EIF4G2: variants seen among roughly 807,000 people sequenced by gnomAD.
EIF4G2 encodes the protein eukaryotic translation initiation factor 4 gamma 2.
EIF4G2 carries 8 observed loss-of-function variants against 117.7 expected under a neutral mutation model. The ratio of observed to expected loss-of-function variants is 0.07; its 90% confidence interval spans 0.04 to 0.12. The LOEUF is 0.12. Ranked by LOEUF, EIF4G2 falls within the 10% of genes least tolerant of loss-of-function variation. The pLI is 1.00. For synonymous variants in EIF4G2, 413 were observed against 367.8 expected (o/e 1.12, Z -1.41); for missense variants, 812 against 1,086.2 (o/e 0.75, Z 3.55).
At chr11:10,808,615 G>A in intron 1 of EIF4G2, 90 bp downstream of exon 1, 1 of 641,112 alleles carries the variant, frequency 1.6e-6, no homozygotes, top group South Asian at 2.4e-5. Context: ...TCCGCCTGCG[G>A]CCGCCATTTT....
In EIF4G2 at chr11:10,807,064, G is replaced by A. The variant is rs534135660; in HGVS notation, c.42-179C>T. On this transcript the variant is annotated intron_variant, in intron 2 of 21. Transcript: ENST00000339995. ...TATGCTACAAATGAAGACTGAACTC[G>A]GACCCAAAGGAAAGGCAAATAATTG... 34 of 1,128,190 alleles carry A rather than the reference G, an allele frequency of 3.0e-5. 1 individual carries two copies. In the South Asian group the frequency reaches 4.6e-4, roughly 15 times the overall value. 69.9% of individuals were successfully genotyped at this position (1,128,190 alleles called of 1,614,324 possible).
Position 10,807,386 on chromosome 11 carries a change from A to G in EIF4G2, c.-86-5T>C. On this transcript the variant is annotated splice_polypyrimidine_tract_variant and splice_region_variant and intron_variant, in intron 1 of 21. Coordinates refer to ENST00000339995, the MANE Select transcript of EIF4G2 (RefSeq NM_001418.4). Reference sequence around the variant, plus strand: ...GGGACAGGAGAAATGAAATACCTGGAACGAGAAAGAGCACCAAAATTAGAC... The same window carrying G: ...GGGACAGGAGAAATGAAATACCTGGGACGAGAAAGAGCACCAAAATTAGAC... 1 of 1,593,558 alleles carries G rather than the reference A, an allele frequency of 6.3e-7. No homozygotes were observed. The highest frequency in any genetic ancestry group is 1.1e-5 in the South Asian group (1 of 88,536).
In EIF4G2 at chr11:10,799,590, A is replaced by C. The variant is rs768610931; in HGVS notation, c.2286T>G (p.Leu762=). The C allele has an allele frequency of 3.1e-6, 5 of 1,613,962 alleles. No homozygotes were observed. In the African/African-American group the frequency reaches 5.3e-5, roughly 17 times the overall value. ...TGTTCACAAATCCTTTATCTACATG[A>C]AGTTTGGGAGAGATGTTATCTTTAA... Residue 762 remains leucine, a synonymous_variant, in exon 19 of 22, where the codon CTT becomes CTG. Transcript: ENST00000339995.
chr11:10,803,650 T>A lies in EIF4G2; in HGVS notation c.703-60A>T. 2.8e-6 allele frequency: 4 copies of A among 1,424,298 alleles called. No individual in the cohort carries two copies. Among genetic ancestry groups the A allele is most frequent in the Non-Finnish European group, 3.9e-6 (4 of 1,017,042 alleles). The allele number at this position is 1,424,298 out of a possible 1,614,324, so 88.2% of individuals were successfully genotyped here. ...AGTTACTCTGGTTTAGGCGTAGTAC[T>A]TTCTTTCCCTTTATGTTTGCACTGA... On this transcript the variant is annotated intron_variant, in intron 8 of 21. Transcript: ENST00000339995. This position sits in a 1 kb window ranked among gnomAD's most constrained non-coding sequence, Gnocchi z 4.0.
chr11:10,807,578 A>T (rs1847616972), intron 1 of EIF4G2, 197 bp from the exon 2 acceptor site: 1 of 1,235,888 alleles, frequency 8.1e-7, no homozygotes, highest in Non-Finnish European at 1.0e-6. Context: ...CAAGGATGCA[A>T]AGAGACTTCG....
In EIF4G2 at chr11:10,804,435, T is replaced by C. The variant is rs1266059121; in HGVS notation, c.352-17A>G. 2.6e-6 allele frequency: 4 copies of C among 1,558,034 alleles called. No homozygotes were observed. Among genetic ancestry groups the C allele is most frequent in the Non-Finnish European group, 3.5e-6 (4 of 1,154,132 alleles). On this transcript the variant is annotated splice_polypyrimidine_tract_variant and intron_variant, in intron 5 of 21. Transcript: ENST00000339995. Reference sequence around the variant, plus strand: ...GTCCACAATCTACAGAAAATGTCATTGCTTAAACTAAATATGAAAACTTCT... The same window carrying C: ...GTCCACAATCTACAGAAAATGTCATCGCTTAAACTAAATATGAAAACTTCT...
Position 10,806,816 on chromosome 11 carries a change from A to T in EIF4G2, c.107+4T>A. On this transcript the variant is annotated splice_donor_region_variant and intron_variant, in intron 3 of 21. Coordinates refer to ENST00000339995, the MANE Select transcript of EIF4G2 (RefSeq NM_001418.4). ...CTCACTGTTTTTTTACATGTTTACC[A>T]CACCTGTTGCCAGCAGTCTTGGGAT... 1.2e-6 allele frequency: 2 copies of T among 1,614,090 alleles called. No homozygotes were observed. The highest frequency in any genetic ancestry group is 1.7e-6 in the Non-Finnish European group (2 of 1,179,966).
chr11:10,808,762 G>C lies in EIF4G2; in HGVS notation c.-144C>G, dbSNP rs1370311617. 1 of 165,740 alleles carries C rather than the reference G, an allele frequency of 6.0e-6. No individual in the cohort carries two copies. Among genetic ancestry groups the C allele is most frequent in the Non-Finnish European group, 1.3e-5 (1 of 74,842 alleles). The allele number at this position is 165,740 out of a possible 1,614,324, so 10.3% of individuals were successfully genotyped here. A position where few individuals can be genotyped will look rare whatever the true frequency, so the allele number is the denominator to read the frequency against. On this transcript the variant is annotated 5_prime_UTR_variant, in exon 1 of 22. Transcript: ENST00000339995. ...CTGCCTCCTCAGGATCCGGTCGTCG[G>C]GGATAGGGAAGGGAGGGGAAAGGGG...
Position 10,803,807 on chromosome 11 carries a change from A to G in EIF4G2, c.702+92T>C. ...TTAGTAAATTTTGTTGCACATCTGT[A>G]TTTAACTAGTCAACCTCCCTCTTAG... On this transcript the variant is annotated intron_variant, in intron 8 of 21. Transcript: ENST00000339995. The surrounding 1 kb of genome is among the most constrained non-coding windows in gnomAD (Gnocchi z 4.0). The G allele has an allele frequency of 6.8e-7, 1 of 1,463,836 alleles. No homozygotes were observed. The highest frequency in any genetic ancestry group is 2.1e-5 in the Admixed American group (1 of 48,726). The allele number at this position is 1,463,836 out of a possible 1,614,324, so 90.7% of individuals were successfully genotyped here.
intron 11 of EIF4G2, 67 bp downstream of exon 11, chr11:10,802,963 G>A: frequency 7.6e-6 from 11 of 1,438,292 alleles, no homozygotes; most frequent in Non-Finnish European, 9.6e-6. Context: ...GGGTGGGTGA[G>A]GAGGAAACCC....
rs369380489 is a variant in EIF4G2, at chr11:10,808,908, G to A, written c.-290C>T. 1 of 155,346 alleles carries A rather than the reference G, an allele frequency of 6.4e-6. No individual in the cohort carries two copies. Among genetic ancestry groups the A allele is most frequent in the Non-Finnish European group, 1.4e-5 (1 of 69,174 alleles). 9.6% of individuals were successfully genotyped at this position (155,346 alleles called of 1,614,324 possible). On this transcript the variant is annotated 5_prime_UTR_variant, in exon 1 of 22. Coordinates refer to ENST00000339995, the MANE Select transcript of EIF4G2 (RefSeq NM_001418.4). ...CGGTACCCGCTGCCACCTCCATAGA[G>A]CTCCGACTCACTGCTGGCGCTAAGG...
chr11:10,800,070 A>G lies in EIF4G2; in HGVS notation c.2119+20T>C. On this transcript the variant is annotated intron_variant, in intron 18 of 21. Transcript: ENST00000339995. Reference sequence around the variant, plus strand: ...ATATAATATTAAAAAAACAAAACAAACAAGTCAGCATTCTCTTACCTGGGA... The same window carrying G: ...ATATAATATTAAAAAAACAAAACAAGCAAGTCAGCATTCTCTTACCTGGGA... The G allele has an allele frequency of 6.2e-7, 1 of 1,604,922 alleles. No homozygotes were observed. The highest frequency in any genetic ancestry group is 1.1e-5 in the South Asian group (1 of 90,374).
At chr11:10,808,241 G>C (rs1322983567) in intron 1 of EIF4G2, 1 of 1,149,068 alleles carries the variant, frequency 8.7e-7, no homozygotes, top group Non-Finnish European at 1.1e-6. Flanking sequence ...CCTCCCCGAC[G>C]AAGGGCAGCC....
rs937156198 is a variant in EIF4G2, at chr11:10,800,491, T to C, written c.1801A>G (p.Ser601Gly). The C allele has an allele frequency of 8.1e-6, 13 of 1,614,104 alleles. No homozygotes were observed. The highest frequency in any genetic ancestry group is 1.1e-5 in the Non-Finnish European group (13 of 1,180,046). The change falls in exon 17 of 22, where the codon AGT becomes GGT. Residue 601 changes from serine to glycine, a missense_variant. By Grantham distance (56) the Ser-to-Gly change is moderately conservative (BLOSUM62 0). Around this residue, in one of 4 missense-constraint regions of EIF4G2, gnomAD observed 571 missense variants for 642.3 expected, o/e 0.89. Transcript: ENST00000339995. ...TGTTTGAGTAAACTGATCAAAGAAC[T>C]TGCTTTTTCTTTATCTTCATCGCTT... is the stretch of plus-strand genomic sequence containing the variant.
intron 1 of EIF4G2, chr11:10,808,162 G>C: frequency 1.8e-6 from 2 of 1,109,160 alleles, no homozygotes; most frequent in Non-Finnish European, 2.2e-6. Context: ...AAATCCCCCC[G>C]GGACTGACAA....
chr11:10,802,509 A>AG lies in EIF4G2; in HGVS notation c.997-75dup, dbSNP rs569960424. ...ACTTAAAACTAAAATTCTTGCAACT[A>AG]GGGGGGGAAACCTAGAATATTAAAC... On this transcript the variant is annotated intron_variant, in intron 11 of 21. Coordinates refer to ENST00000339995, the MANE Select transcript of EIF4G2 (RefSeq NM_001418.4). 98 of 1,456,906 alleles carry AG rather than the reference A, an allele frequency of 6.7e-5. No homozygotes were observed. The African/African-American group carries it at 7.8e-4, about 12-fold the overall frequency. 90.2% of individuals were successfully genotyped at this position (1,456,906 alleles called of 1,614,324 possible). A position where few individuals can be genotyped will look rare whatever the true frequency, so the allele number is the denominator to read the frequency against.
At chr11:10,807,792 C>T (rs1847627415) in intron 1 of EIF4G2, 2 of 990,752 alleles carry the variant, frequency 2.0e-6, no homozygotes, top group African/African-American at 1.7e-5. Flanking sequence ...AGCTCTTCAG[C>T]AGTTTTCCCC....
intron 11 of EIF4G2, among the ~76,000 whole-genome samples, 166 bp downstream of exon 11, chr11:10,802,864 C>G (rs1847467586): frequency 6.6e-6 from 1 of 152,090 alleles, no homozygotes; most frequent in African/African-American, 2.4e-5. Flanking sequence ...GAAACTCCGT[C>G]TCAAAAAATA....
chr11:10,801,386 CTTAG>C (rs1322722922), intron 14 of EIF4G2: 1 of 627,238 alleles, frequency 1.6e-6, no homozygotes, highest in South Asian at 1.8e-5. Flanking sequence ...CTGTTTTATC[CTTAG>C]TTAAATCACC....
Sources: gnomAD v4.1 joint callset for allele counts (sites outside exome capture counted in the v4.1 genomes callset) on GRCh38, gnomAD v4.1.1 for gene constraint, gnomAD v4.1.1 regional missense constraint, Gnocchi (gnomAD v3.1) non-coding constraint, MANE v1.5 for transcripts, NCBI Gene and HGNC (gene_info 2026-07-23, HGNC 2026-07-21) for gene names.